Variants in ZNF550 observed in about 807,000 individuals in gnomAD.
The protein encoded by ZNF550 is zinc finger protein 550.
ZNF550 carries 42 observed loss-of-function variants against 40.2 expected under a neutral mutation model. That is an observed-to-expected ratio of 1.05 (90% confidence interval 0.82 to 1.35). ZNF550 has a LOEUF of 1.35. ZNF550 is among the 40% of genes most tolerant of loss of function. ZNF550 has a pLI of 0.00. For synonymous variants in ZNF550, 223 were observed against 198.6 expected (o/e 1.12, Z -1.03); for missense variants, 549 against 525.2 (o/e 1.05, Z -0.44).
chr19:57,542,033 A>T (rs2089964192), exon 5 of ZNF550: 1 of 152,132 alleles, frequency 6.6e-6, no homozygotes. Context: ...ATACACAATA[A>T]AAAGTCAAGA....
At chr19:57,556,145 A>G in intron 2 of ZNF550, 86 bp downstream of exon 2, 3 of 1,569,018 alleles carry the variant, frequency 1.9e-6, no homozygotes, top group Non-Finnish European at 2.6e-6. Context: ...GTCTGTCAAG[A>G]GAAAGGTGGG....
Position 57,546,163 on chromosome 19 carries a change from C to A in ZNF550, c.*518+294G>T, listed in dbSNP as rs115532357. On this transcript the variant is annotated intron_variant, in intron 4 of 4. Transcript: ENST00000457177. ...AAAAGAAGTGTCACATGAAGATGTT[C>A]TCAGTATTCTAATTTCTACTAAATT... 6.8e-3 allele frequency among the ~76,000 whole-genome samples: 1,040 copies of A among 152,182 alleles called. 11 individuals are homozygous for A. Among genetic ancestry groups the A allele is most frequent in the African/African-American group, 0.023 (974 of 41,512 alleles).
In ZNF550 at chr19:57,552,626, C is replaced by T; in HGVS notation, c.250+1G>A. The T allele has an allele frequency of 1.3e-6, 2 of 1,595,650 alleles. No homozygotes were observed. Among genetic ancestry groups the T allele is most frequent in the Non-Finnish European group, 1.7e-6 (2 of 1,178,204 alleles). On this transcript the variant is annotated splice_donor_variant, in intron 3 of 4. Coordinates refer to ENST00000457177, the Ensembl canonical transcript of ZNF550. LOFTEE classifies it high-confidence loss of function. Reference sequence around the variant, plus strand: ...CACATGACCAGCTGGTGGCTGCTTACCTGCACAGGTAGCATGTGAGAGGCC... The same window carrying T: ...CACATGACCAGCTGGTGGCTGCTTATCTGCACAGGTAGCATGTGAGAGGCC...
At chr19:57,542,798 T>C (rs1482273416) in exon 5 of ZNF550, 1 of 152,334 alleles carries the variant, frequency 6.6e-6, no homozygotes, top group East Asian at 1.9e-4. Context: ...TCACATCGTC[T>C]TCCCTCTGTA....
intron 1 of ZNF550, among the ~76,000 whole-genome samples, chr19:57,559,295 G>C (rs56042214): frequency 0.15 from 22,796 of 152,108 alleles, 1,976 homozygotes; most frequent in African/African-American, 0.23. Flanking sequence ...TTTCTACTTT[G>C]CGCGCGCAAA....
chr19:57,547,964 G>A, exon 4 of ZNF550: 1 of 1,613,762 alleles, frequency 6.2e-7, no homozygotes, highest in South Asian at 1.1e-5. Context: ...TAAGTGGTTG[G>A]CTCTCTGGTA....
chr19:57,549,085 A>G (rs1278543965), intron 3 of ZNF550, among the ~76,000 whole-genome samples: 1 of 152,060 alleles, frequency 6.6e-6, no homozygotes, highest in East Asian at 1.9e-4. Flanking sequence ...AAAAGAATGA[A>G]TAAGACCTAG....
exon 4 of ZNF550, chr19:57,546,459 G>T (rs759820425): frequency 6.4e-5 from 63 of 986,148 alleles, no homozygotes; most frequent in Non-Finnish European, 7.2e-5. Context: ...GAAGATACCT[G>T]TAACTGAAGG....
intron 3 of ZNF550, among the ~76,000 whole-genome samples, chr19:57,548,249 GAGTAAGGAAGAGAT>G (rs1232447752): frequency 6.6e-6 from 1 of 152,176 alleles, no homozygotes; most frequent in Non-Finnish European, 1.5e-5. Flanking sequence ...TTACAGTTCA[GAGTAAGGAAGAGAT>G]AATAGAGTTT....
At chr19:57,550,049 A>G (rs2090059256) in intron 3 of ZNF550, among the ~76,000 whole-genome samples, 1 of 152,134 alleles carries the variant, frequency 6.6e-6, no homozygotes, top group Non-Finnish European at 1.5e-5. Context: ...GTGGGACATT[A>G]CCCTTATTAT....
intron 4 of ZNF550, chr19:57,544,642 C>CAAAAGGACCACA: frequency 1.0e-6 from 1 of 981,896 alleles, no homozygotes. Flanking sequence ...ATAATATGTG[C>CAAAAGGACCACA]AAAAGGACCA....
At chr19:57,547,440 G>C in exon 4 of ZNF550, 1 of 1,614,048 alleles carries the variant, frequency 6.2e-7, no homozygotes. Context: ...ACCTGCGTTT[G>C]AAGGCCTTCC....
chr19:57,553,277 C>T (rs2090090128), intron 2 of ZNF550: 1 of 152,506 alleles, frequency 6.6e-6, no homozygotes, highest in East Asian at 1.9e-4. Flanking sequence ...GCTACAACTG[C>T]CATGGAGGGT....
Position 57,556,483 on chromosome 19 carries a change from T to C in ZNF550, c.28-126A>G. ...TGAATCAACTAGGTCTCCTTTGGGC[T>C]GACTTCCGTGCAGGGCTCAAAGGGG... On this transcript the variant is annotated intron_variant, in intron 1 of 4. Transcript: ENST00000457177. 5 of 1,266,264 alleles carry C rather than the reference T, an allele frequency of 3.9e-6. No homozygotes were observed. The South Asian group carries it at 7.3e-5, about 18-fold the overall frequency. The allele number at this position is 1,266,264 out of a possible 1,614,324, so 78.4% of individuals were successfully genotyped here.
At chr19:57,555,879 G>A (rs2090116067) in intron 2 of ZNF550, 2 of 298,386 alleles carry the variant, frequency 6.7e-6, no homozygotes, top group Non-Finnish European at 1.3e-5. Flanking sequence ...GAGGACAAAT[G>A]TCTTCTGGGG....
exon 4 of ZNF550, chr19:57,547,221 C>T: frequency 6.2e-7 from 1 of 1,614,048 alleles, no homozygotes; most frequent in Non-Finnish European, 8.5e-7. Flanking sequence ...AATCATAGGG[C>T]TTCTCTCCAG....
chr19:57,547,251 A>G, exon 4 of ZNF550: 2 of 1,613,954 alleles, frequency 1.2e-6, no homozygotes, highest in Non-Finnish European at 1.7e-6. Context: ...TGTAATGTTG[A>G]ATTAGGTGGG....
chr19:57,547,722 T>C (rs935685129), exon 4 of ZNF550: 6 of 1,614,214 alleles, frequency 3.7e-6, no homozygotes, highest in Non-Finnish European at 5.1e-6. Flanking sequence ...ATAACCACTC[T>C]TGTAATGCCC....
chr19:57,546,559 GT>G (rs2123338499), exon 4 of ZNF550: 2 of 989,716 alleles, frequency 2.0e-6, no homozygotes, highest in African/African-American at 1.8e-5. Flanking sequence ...TGGTCACAAA[GT>G]TTTCTCACAT....
Sources: gnomAD v4.1 joint callset for allele counts (sites outside exome capture counted in the v4.1 genomes callset) on GRCh38, gnomAD v4.1.1 for gene constraint, MANE v1.5 for transcripts, NCBI Gene and HGNC (gene_info 2026-07-23, HGNC 2026-07-21) for gene names.